Variants in ROCK2 observed in about 807,000 individuals in gnomAD.
ROCK2 encodes Rho associated coiled-coil containing protein kinase 2.
ROCK2 carries 61 observed loss-of-function variants against 195.1 expected under a neutral mutation model. The ratio of observed to expected loss-of-function variants is 0.31; its 90% CI spans 0.25 to 0.39. The LOEUF (loss-of-function observed/expected upper bound fraction) is 0.39, where lower values mean the gene tolerates loss of function less well. Ranked by LOEUF, ROCK2 falls within the 10% of genes least tolerant of loss-of-function variation. The pLI is 1.00. For missense variants in ROCK2, 1,109 were observed against 1,637.4 expected (o/e 0.68, Z 5.57); for synonymous variants, 504 against 545.5 (o/e 0.92, Z 1.06).
chr2:11,262,375 A>C (rs1666257715), intron 3 of ROCK2, among the ~76,000 whole-genome samples: 2 of 152,054 alleles, frequency 1.3e-5, no homozygotes, highest in African/African-American at 2.4e-5. Flanking sequence ...TGTAGAGCTT[A>C]AAAAAAACTT....
chr2:11,318,318 G>T (rs1238549187), intron 1 of ROCK2, among the ~76,000 whole-genome samples: 1 of 152,232 alleles, frequency 6.6e-6, no homozygotes, highest in East Asian at 1.9e-4. Context: ...ACTGGTGTGA[G>T]ATGGTATCTC....
chr2:11,246,194 T>A (rs943319169), intron 4 of ROCK2, among the ~76,000 whole-genome samples: 1 of 152,138 alleles, frequency 6.6e-6, no homozygotes, highest in South Asian at 2.1e-4. Flanking sequence ...CCTTCCAAAG[T>A]GGAACCTGAA....
chr2:11,287,079 G>T (rs1027092129), intron 2 of ROCK2, among the ~76,000 whole-genome samples: 1 of 152,154 alleles, frequency 6.6e-6, no homozygotes, highest in African/African-American at 2.4e-5. Flanking sequence ...CTATAGATAA[G>T]ATTGTTTAAT....
intron 1 of ROCK2, among the ~76,000 whole-genome samples, chr2:11,338,861 T>G (rs1444087602): frequency 6.6e-6 from 1 of 151,588 alleles, no homozygotes; most frequent in African/African-American, 2.4e-5. Context: ...GTATATACTA[T>G]ATGATTCCAT....
At chr2:11,322,471 C>T (rs866822193) in intron 1 of ROCK2, among the ~76,000 whole-genome samples, 14 of 151,660 alleles carry the variant, frequency 9.2e-5, no homozygotes, top group Admixed American at 6.6e-4. Context: ...CTGCCATTGT[C>T]GCATTCATGT....
intron 1 of ROCK2, among the ~76,000 whole-genome samples, chr2:11,321,557 G>A (rs192777751): frequency 6.6e-6 from 1 of 151,640 alleles, no homozygotes; most frequent in African/African-American, 2.4e-5. Context: ...CCTCTGGACT[G>A]ATTTTTTTTT....
chr2:11,287,324 A>G (rs1667230721), intron 2 of ROCK2, among the ~76,000 whole-genome samples: 2 of 152,196 alleles, frequency 1.3e-5, no homozygotes, highest in African/African-American at 4.8e-5. Context: ...TATAAAGCTT[A>G]TTAATTCTCT....
At chr2:11,287,313 G>T (rs1667230360) in intron 2 of ROCK2, among the ~76,000 whole-genome samples, 1 of 152,132 alleles carries the variant, frequency 6.6e-6, no homozygotes, top group South Asian at 2.1e-4. Flanking sequence ...AATTACAGAA[G>T]TATAAAGCTT....
intron 20 of ROCK2, among the ~76,000 whole-genome samples, chr2:11,205,352 T>A (rs1664011642): frequency 1.3e-5 from 2 of 152,208 alleles, no homozygotes; most frequent in South Asian, 4.1e-4. Flanking sequence ...TGGCCTTATA[T>A]ATACTCCTTT....
chr2:11,218,399 T>A (rs770281350), intron 11 of ROCK2, 56 bp downstream of exon 11: 2 of 1,428,472 alleles, frequency 1.4e-6, no homozygotes, highest in Non-Finnish European at 1.9e-6. Flanking sequence ...ATTTAAACTT[T>A]GCGAGAGTGA....
intron 4 of ROCK2, among the ~76,000 whole-genome samples, chr2:11,241,228 G>A (rs559806679): frequency 7.9e-5 from 12 of 152,270 alleles, no homozygotes; most frequent in African/African-American, 2.9e-4. Flanking sequence ...ACTGAAGTTA[G>A]AGCAGATACT....
Position 11,181,040 on chromosome 2 carries a change from G to GT in ROCK2, c.*2396dup, listed in dbSNP as rs1199230473. ...TAAGACCTTCATATGAATCTTCCTT[G>GT]TACAGTTGGTCACACCATGATTCCC... On this transcript the variant is annotated 3_prime_UTR_variant, in exon 33 of 33. Transcript: ENST00000315872. 1 of 151,360 alleles carries GT rather than the reference G, an allele frequency of 6.6e-6. No individual in the cohort carries two copies. Among genetic ancestry groups the GT allele is most frequent in the Non-Finnish European group, 1.5e-5 (1 of 67,898 alleles). 9.4% of individuals were successfully genotyped at this position (151,360 alleles called of 1,614,324 possible).
rs556734152 is a variant in ROCK2, at chr2:11,282,355, A to G, written c.324+4184T>C. ...AACAGAGGAAGATGCCGTCTCAAAAAATAATAATTAAAAATAAATAAGGAA... is the reference window on the plus strand; with the variant it reads ...AACAGAGGAAGATGCCGTCTCAAAAGATAATAATTAAAAATAAATAAGGAA... On this transcript the variant is annotated intron_variant, in intron 3 of 32. Transcript: ENST00000315872. Among the ~76,000 whole-genome samples, 337 of 152,116 alleles carry G rather than the reference A, an allele frequency of 2.2e-3. 3 individuals carry two copies. The highest frequency in any genetic ancestry group is 7.9e-3 in the African/African-American group (328 of 41,492).
chr2:11,300,764 C>T (rs1486071821), intron 1 of ROCK2, among the ~76,000 whole-genome samples: 2 of 151,940 alleles, frequency 1.3e-5, no homozygotes, highest in East Asian at 1.9e-4. Context: ...CCCTTATTTC[C>T]AAGTATCCAC....
At chr2:11,198,633 G>C in intron 24 of ROCK2, 48 bp from the exon 25 acceptor site, 1 of 1,573,276 alleles carries the variant, frequency 6.4e-7, no homozygotes, top group Non-Finnish European at 8.7e-7. Context: ...TACAGCAGCT[G>C]ATAAACATTA....
chr2:11,336,560 CTT>C (rs57870548), intron 1 of ROCK2, among the ~76,000 whole-genome samples: 48,943 of 151,956 alleles, frequency 0.32, 8,137 homozygotes, highest in East Asian at 0.54. Context: ...CAAGAAATGA[CTT>C]TTGAATTGAG....
intron 20 of ROCK2, among the ~76,000 whole-genome samples, chr2:11,202,580 T>C (rs1663899455): frequency 6.6e-6 from 1 of 151,886 alleles, no homozygotes; most frequent in South Asian, 2.1e-4. Flanking sequence ...TCACTAAAAG[T>C]TCCGCCTCCC....
At chr2:11,194,835 T>C (rs1443944139) in intron 28 of ROCK2, 120 bp downstream of exon 28, 1 of 446,148 alleles carries the variant, frequency 2.2e-6, no homozygotes. Context: ...TCCTGAAGTA[T>C]AAACAAGTTC....
chr2:11,229,192 T>C (rs964770896), intron 5 of ROCK2, among the ~76,000 whole-genome samples: 4 of 152,164 alleles, frequency 2.6e-5, no homozygotes, highest in African/African-American at 2.4e-5. Context: ...TACTAAACTA[T>C]GTGAATAACA....
Sources: gnomAD v4.1 joint callset for allele counts (sites outside exome capture counted in the v4.1 genomes callset) on GRCh38, gnomAD v4.1.1 for gene constraint, MANE v1.5 for transcripts, NCBI Gene and HGNC (gene_info 2026-07-23, HGNC 2026-07-21) for gene names.